ANKFN1: variants seen among roughly 807,000 people sequenced by gnomAD.
The protein encoded by ANKFN1 is ankyrin repeat and fibronectin type-III domain-containing protein 1.
Under a neutral mutation model 108.7 loss-of-function variants are expected in ANKFN1, and 74 were observed. The observed-to-expected ratio is 0.68, with a 90% CI of 0.56 to 0.83. The LOEUF (loss-of-function observed/expected upper bound fraction) is 0.83, where lower values mean the gene tolerates loss of function less well. Ranked by LOEUF, ANKFN1 falls within the 40% of genes least tolerant of loss-of-function variation. The probability of loss-of-function intolerance (pLI) is 0.00; values close to 1 mark genes in which losing one functional copy is unlikely to be tolerated. For synonymous variants in ANKFN1, 547 were observed against 516.2 expected (o/e 1.06, Z -0.81); for missense variants, 1,505 against 1,382.3 (o/e 1.09, Z -1.41).
chr17:56,398,846 G>A (rs1300051166), intron 8 of ANKFN1, among the ~76,000 whole-genome samples: 1 of 152,100 alleles, frequency 6.6e-6, no homozygotes, highest in Non-Finnish European at 1.5e-5. Flanking sequence ...CAAAACAAAT[G>A]AGATAATATG....
At chr17:56,374,499 G>A in intron 7 of ANKFN1, 102 bp from the exon 8 acceptor site, 1 of 843,894 alleles carries the variant, frequency 1.2e-6, no homozygotes, top group East Asian at 2.5e-5. Flanking sequence ...ACAAACAAAT[G>A]TTTCCATAGT....
chr17:56,416,873 C>T (rs1168294808), intron 8 of ANKFN1, among the ~76,000 whole-genome samples: 1 of 152,042 alleles, frequency 6.6e-6, no homozygotes, highest in Admixed American at 6.6e-5. Context: ...TACTATGCAG[C>T]CATAAAAAAG....
chr17:56,466,512 A>C lies in ANKFN1; in HGVS notation c.1714A>C (p.Lys572Gln). The C allele has an allele frequency of 6.2e-7, 1 of 1,614,118 alleles. No individual in the cohort carries two copies. Among genetic ancestry groups the C allele is most frequent in the Non-Finnish European group, 8.5e-7 (1 of 1,180,002 alleles). ...GATCTCAAAGCTGCAAAGCCAGAGA[A>C]AGTCTCTATCAACACCTGAGGAGCC... is the stretch of plus-strand genomic sequence containing the variant. ...MQISKLQSQR[K>Q]SLSTPEEPTA... The change falls in exon 15 of 21, where the codon AAG (lysine) becomes CAG (glutamine). Residue 572 changes from lysine to glutamine, a missense_variant. Coordinates refer to ENST00000682825, the MANE Select transcript of ANKFN1 (RefSeq NM_001370326.1).
intron 6 of ANKFN1, among the ~76,000 whole-genome samples, chr17:56,371,153 A>AG (rs1488752360): frequency 6.6e-6 from 1 of 152,180 alleles, no homozygotes; most frequent in Non-Finnish European, 1.5e-5. Context: ...TTTAAAAAAA[A>AG]GTGTGACAGT....
intron 4 of ANKFN1, among the ~76,000 whole-genome samples, chr17:56,082,287 GT>G (rs1567783239): frequency 3.5e-5 from 1 of 28,362 alleles, no homozygotes; most frequent in Non-Finnish European, 8.9e-5. Context: ...GTTTTGTTTT[GT>G]TTTTGTTTTT....
In ANKFN1 at chr17:56,153,578, A is replaced by G. The variant is rs750469477; in HGVS notation, c.-71+48A>G. Reference sequence around the variant, plus strand: ...TATCGGTAATTGGTGTTTGGAGGCCATTGTTTTGCATTCAACAGGCAGGAA... The same window carrying G: ...TATCGGTAATTGGTGTTTGGAGGCCGTTGTTTTGCATTCAACAGGCAGGAA... On this transcript the variant is annotated intron_variant, in intron 1 of 20. Transcript: ENST00000682825. 3.3e-5 allele frequency: 53 copies of G among 1,607,216 alleles called. No individual in the cohort carries two copies. In the South Asian group the frequency reaches 5.7e-4, roughly 17 times the overall value.
At chr17:56,338,906 G>A (rs1219487107) in intron 4 of ANKFN1, among the ~76,000 whole-genome samples, 1 of 152,054 alleles carries the variant, frequency 6.6e-6, no homozygotes, top group Non-Finnish European at 1.5e-5. Flanking sequence ...GAGGAAATAA[G>A]TTGTATTGAA....
chr17:56,154,411 C>T (rs1034591780), intron 1 of ANKFN1, among the ~76,000 whole-genome samples: 5 of 152,050 alleles, frequency 3.3e-5, no homozygotes, highest in African/African-American at 1.2e-4. Context: ...TTGAAAAAAC[C>T]AGAGATAAGT....
At chr17:56,359,873 GTGCTGCCAT>G (rs1397123450) in intron 6 of ANKFN1, among the ~76,000 whole-genome samples, 1 of 152,120 alleles carries the variant, frequency 6.6e-6, no homozygotes, top group Non-Finnish European at 1.5e-5. Context: ...TGCTCCAACA[GTGCTGCCAT>G]TGCTCTGAAC....
intron 1 of ANKFN1, among the ~76,000 whole-genome samples, chr17:56,194,262 G>C (rs1212604156): frequency 1.3e-5 from 2 of 152,126 alleles, no homozygotes; most frequent in Admixed American, 1.3e-4. Flanking sequence ...ACACTTCTTG[G>C]TATTTATCCT....
intron 3 of ANKFN1, among the ~76,000 whole-genome samples, chr17:56,297,566 T>C (rs1484837549): frequency 6.6e-6 from 1 of 152,214 alleles, no homozygotes; most frequent in African/African-American, 2.4e-5. Flanking sequence ...AAGAACCACC[T>C]GGTCCATTGT....
intron 4 of ANKFN1, among the ~76,000 whole-genome samples, chr17:56,128,014 A>G (rs527700805): frequency 6.6e-6 from 1 of 152,360 alleles, no homozygotes; most frequent in South Asian, 2.1e-4. Flanking sequence ...CAAACTTCAC[A>G]GAAGAATTCA....
chr17:56,456,084 T>C (rs1380427043), intron 11 of ANKFN1, among the ~76,000 whole-genome samples: 1 of 152,256 alleles, frequency 6.6e-6, no homozygotes, highest in African/African-American at 2.4e-5. Context: ...CCAGACTTTC[T>C]GTAATGTGCT....
chr17:56,491,949 C>A (rs1213741625), intron 18 of ANKFN1, among the ~76,000 whole-genome samples: 2 of 152,144 alleles, frequency 1.3e-5, no homozygotes, highest in East Asian at 3.9e-4. Flanking sequence ...CAGCTTTAGC[C>A]AACCCCACTT....
Position 56,502,325 on chromosome 17 carries a change from C to T in ANKFN1, c.2644+3227C>T, listed in dbSNP as rs117824766. The stretch of plus-strand genomic sequence containing the variant: ...CCAAACTCTCACGTTGGCCTGAAGA[C>T]GGGTTGCACCACTCCCTGCTAAGAG... On this transcript the variant is annotated intron_variant, in intron 20 of 20. Transcript: ENST00000682825. 8.1e-3 allele frequency among the ~76,000 whole-genome samples: 1,237 copies of T among 152,248 alleles called. 9 individuals are homozygous for T. The highest frequency in any genetic ancestry group is 0.026 in the South Asian group (125 of 4,820).
chr17:56,144,168 A>C lies in ANKFN1; in HGVS notation c.289-83749A>C, dbSNP rs1004739724. On this transcript the variant is annotated intron_variant, in intron 4 of 12. Transcript: ENST00000635860. ...CAGAGGCGCATCTGAAAAAAAAAAA[A>C]AAAAAAAAAAAAAAAAACAGCCCAA... Among the ~76,000 whole-genome samples the C allele has an allele frequency of 1.8e-3, 211 of 117,006 alleles. 1 individual carries two copies. The highest frequency in any genetic ancestry group is 3.3e-3 in the Non-Finnish European group (170 of 51,758). The allele number at this position is 117,006 out of a possible 152,430, so 76.8% of individuals were successfully genotyped here.
At chr17:56,233,088 A>G (rs1407785536) in intron 3 of ANKFN1, among the ~76,000 whole-genome samples, 1 of 152,136 alleles carries the variant, frequency 6.6e-6, no homozygotes, top group Non-Finnish European at 1.5e-5. Context: ...ATGCAAGCTC[A>G]AATTACATGT....
At chr17:56,421,616 G>A (rs1264738276) in intron 8 of ANKFN1, among the ~76,000 whole-genome samples, 2 of 152,112 alleles carry the variant, frequency 1.3e-5, no homozygotes, top group African/African-American at 4.8e-5. Context: ...CGCATACCCT[G>A]TATATTTTGT....
intron 8 of ANKFN1, among the ~76,000 whole-genome samples, chr17:56,381,050 A>G (rs1450154039): frequency 2.0e-5 from 3 of 152,214 alleles, no homozygotes; most frequent in Non-Finnish European, 4.4e-5. Flanking sequence ...GTAGCGGCAG[A>G]CTGACACCTC....
Sources: allele counts gnomAD v4.1 joint callset (sites outside exome capture counted in the v4.1 genomes callset), GRCh38; gene constraint gnomAD v4.1.1; transcripts MANE v1.5; gene names NCBI Gene and HGNC (gene_info 2026-07-23, HGNC 2026-07-21).